UBE2E2: variants seen among roughly 807,000 people sequenced by gnomAD.
UBE2E2 encodes ubiquitin conjugating enzyme E2 E2, also known as ubiquitin-conjugating enzyme E2 E2.
Under a neutral mutation model 24.7 loss-of-function variants are expected in UBE2E2, and 6 were observed. The ratio of observed to expected loss-of-function variants is 0.24; its 90% CI spans 0.13 to 0.48. UBE2E2 has a LOEUF of 0.48. Ranked by LOEUF, UBE2E2 falls within the 20% of genes least tolerant of loss-of-function variation. The probability of loss-of-function intolerance (pLI) is 0.99; values close to 1 mark genes in which losing one functional copy is unlikely to be tolerated. For missense variants in UBE2E2, 169 were observed against 245.0 expected (o/e 0.69, Z 2.07); for synonymous variants, 104 against 83.6 (o/e 1.24, Z -1.33).
At chr3:23,396,587 A>T (rs1158045651) in intron 3 of UBE2E2, among the ~76,000 whole-genome samples, 1 of 151,990 alleles carries the variant, frequency 6.6e-6, no homozygotes, top group Non-Finnish European at 1.5e-5. Context: ...GTAGGAATCC[A>T]GTAGATCAGT....
chr3:23,578,479 A>G (rs1318022522), intron 5 of UBE2E2, among the ~76,000 whole-genome samples: 8 of 152,324 alleles, frequency 5.3e-5, no homozygotes, highest in Middle Eastern at 3.4e-3. Flanking sequence ...ACGTGCACAC[A>G]TATGCTCATT....
chr3:23,337,219 G>A (rs997801151), intron 3 of UBE2E2, among the ~76,000 whole-genome samples: 1 of 151,968 alleles, frequency 6.6e-6, no homozygotes, highest in Non-Finnish European at 1.5e-5. Flanking sequence ...TAATGCAGCA[G>A]AAAGGATCCA....
rs566045999 is a variant in UBE2E2 at position 23,471,717 on chromosome 3, C to G, written c.228-27891C>G. On this transcript the variant is annotated intron_variant, in intron 3 of 5. Transcript: ENST00000396703. ...GAACAAATGCTGTCACTGAAGGAAG[C>G]TACTTGAAGTAGAATCCAAATTAAG... is the stretch of plus-strand genomic sequence containing the variant. Among the ~76,000 whole-genome samples the G allele has an allele frequency of 2.2e-4, 34 of 152,236 alleles. No homozygotes were observed. In the South Asian group the frequency reaches 5.6e-3, roughly 25 times the overall value.
chr3:23,292,419 T>A (rs565051040), intron 3 of UBE2E2, among the ~76,000 whole-genome samples: 1 of 152,334 alleles, frequency 6.6e-6, no homozygotes, highest in Non-Finnish European at 1.5e-5. Context: ...ACCTTATTTT[T>A]TTTTCAGAGG....
At chr3:23,477,447 A>G (rs1040431549) in intron 3 of UBE2E2, among the ~76,000 whole-genome samples, 2 of 152,214 alleles carry the variant, frequency 1.3e-5, no homozygotes, top group African/African-American at 2.4e-5. Flanking sequence ...CACAATCAGT[A>G]TATTACATGT....
intron 3 of UBE2E2, among the ~76,000 whole-genome samples, chr3:23,453,087 G>T (rs1242295133): frequency 6.6e-6 from 1 of 152,116 alleles, no homozygotes; most frequent in Non-Finnish European, 1.5e-5. Context: ...GGAGCATTTG[G>T]CAGTGGGGAA....
intron 3 of UBE2E2, among the ~76,000 whole-genome samples, chr3:23,458,223 C>T (rs1016988917): frequency 6.6e-6 from 1 of 151,798 alleles, no homozygotes; most frequent in Non-Finnish European, 1.5e-5. Context: ...ATTGTTGCGT[C>T]GCAGGGAACA....
chr3:23,395,673 C>T (rs1435206616), intron 3 of UBE2E2, among the ~76,000 whole-genome samples: 1 of 152,090 alleles, frequency 6.6e-6, no homozygotes, highest in Admixed American at 6.6e-5. Context: ...AATCCAGAAT[C>T]TTCTTTAATT....
chr3:23,326,433 A>C (rs1342610149), intron 3 of UBE2E2, among the ~76,000 whole-genome samples: 2 of 152,196 alleles, frequency 1.3e-5, no homozygotes, highest in Non-Finnish European at 2.9e-5. Context: ...AGATTTTTCA[A>C]AACATTTTTT....
intron 3 of UBE2E2, among the ~76,000 whole-genome samples, chr3:23,374,004 G>T (rs1696459439): frequency 6.6e-6 from 1 of 152,132 alleles, no homozygotes; most frequent in African/African-American, 2.4e-5. Flanking sequence ...AGGGATTCTT[G>T]TTACTATGAT....
chr3:23,375,093 A>G lies in UBE2E2; in HGVS notation c.228-124515A>G, dbSNP rs1465655403. 1.8e-4 allele frequency among the ~76,000 whole-genome samples: 28 copies of G among 152,286 alleles called. No homozygotes were observed. The East Asian group carries it at 5.4e-3, about 29-fold the overall frequency. On this transcript the variant is annotated intron_variant, in intron 3 of 5. Transcript: ENST00000396703. ...TATCATGAGATATAAAAAAAAAATCAGAGAATGTGGTGCTATAAAAGGGTT... is the reference window on the plus strand; with the variant it reads ...TATCATGAGATATAAAAAAAAAATCGGAGAATGTGGTGCTATAAAAGGGTT...
intron 3 of UBE2E2, among the ~76,000 whole-genome samples, chr3:23,396,358 A>G (rs1228375211): frequency 1.4e-5 from 2 of 146,362 alleles, no homozygotes; most frequent in Admixed American, 1.4e-4. Context: ...ATTTTATTTT[A>G]TCTATATAAA....
intron 3 of UBE2E2, among the ~76,000 whole-genome samples, chr3:23,436,413 A>G (rs13100586): frequency 6.6e-6 from 1 of 152,132 alleles, no homozygotes; most frequent in East Asian, 1.9e-4. Flanking sequence ...GGCATTTCTT[A>G]GTCCTGCGTT....
chr3:23,371,256 C>T (rs1696392598), intron 3 of UBE2E2, among the ~76,000 whole-genome samples: 1 of 152,094 alleles, frequency 6.6e-6, no homozygotes, highest in South Asian at 2.1e-4. Context: ...GTCTTGAACT[C>T]CAGACCTCAG....
At position 23,513,829 on chromosome 3, in the gene UBE2E2, CT is replaced by C. The variant is rs1000887525; in HGVS notation, c.360+14097del. Among the ~76,000 whole-genome samples, 8 of 151,888 alleles carry C rather than the reference CT, an allele frequency of 5.3e-5. No homozygotes were observed. The East Asian group carries it at 5.8e-4, about 11-fold the overall frequency. On this transcript the variant is annotated intron_variant, in intron 4 of 5. Coordinates refer to ENST00000396703, the MANE Select transcript of UBE2E2 (RefSeq NM_152653.4). ...CCTTTTCATGTGTCCAGAATTTGGA[CT>C]TTTTTTTATTGAAAGTAAGTGTACA...
chr3:23,215,414 G>A (rs1038174042), intron 2 of UBE2E2, among the ~76,000 whole-genome samples: 1 of 152,098 alleles, frequency 6.6e-6, no homozygotes, highest in Non-Finnish European at 1.5e-5. Context: ...ATGAGTCATA[G>A]CATTGAGGCA....
intron 2 of UBE2E2, among the ~76,000 whole-genome samples, chr3:23,212,335 A>G (rs1696350168): frequency 6.6e-6 from 1 of 152,154 alleles, no homozygotes; most frequent in Non-Finnish European, 1.5e-5. Flanking sequence ...TGTTCTCTTG[A>G]TATGTCTATA....
chr3:23,227,952 T>A (rs954279046), intron 3 of UBE2E2, among the ~76,000 whole-genome samples: 2 of 152,198 alleles, frequency 1.3e-5, no homozygotes, highest in East Asian at 1.9e-4. Context: ...TGAGGCTGTC[T>A]TTTCACCTGA....
In UBE2E2 at chr3:23,591,431, T is replaced by C. The variant is rs1696758992; in HGVS notation, c.*1600T>C. ...TAAATCCTAAGAAAATATATTTAAA[T>C]ATTGCAAATGCCACTTCTAAACCAA... On this transcript the variant is annotated 3_prime_UTR_variant, in exon 6 of 6. Coordinates refer to ENST00000396703, the MANE Select transcript of UBE2E2 (RefSeq NM_152653.4). 8 of 152,254 alleles carry C rather than the reference T, an allele frequency of 5.3e-5. No homozygotes were observed. In the South Asian group the frequency reaches 1.7e-3, roughly 32 times the overall value. The allele number at this position is 152,254 out of a possible 1,614,324, so 9.4% of individuals were successfully genotyped here.
Sources: allele counts gnomAD v4.1 joint callset (sites outside exome capture counted in the v4.1 genomes callset), GRCh38; gene constraint gnomAD v4.1.1; transcripts MANE v1.5; gene names NCBI Gene and HGNC (gene_info 2026-07-23, HGNC 2026-07-21).